Variants in GZMM observed in about 807,000 individuals in gnomAD.
The protein encoded by GZMM is HU-Met-1.
GZMM carries 23 observed loss-of-function variants against 19.2 expected under a neutral mutation model. That is an observed-to-expected ratio of 1.20 (90% CI 0.86 to 1.69). GZMM has a LOEUF of 1.69. Among genes scored for constraint, GZMM ranks in the 40% most tolerant of loss-of-function variants. The probability of loss-of-function intolerance (pLI) is 0.00; values close to 1 mark genes in which losing one functional copy is unlikely to be tolerated. For synonymous variants in GZMM, 178 were observed against 160.2 expected (o/e 1.11, Z -0.84); for missense variants, 373 against 352.2 (o/e 1.06, Z -0.47).
At position 549,837 on chromosome 19, in the gene GZMM, TCCCCTCCAGGG is replaced by T; in HGVS notation, c.*47_*57del. ...CCCCTCGCTGTCTCCACAGGACCCT[TCCCCTCCAGGG>T]GTGCAGTGGGGTGGGTGAGGACGGG... On this transcript the variant is annotated 3_prime_UTR_variant, in exon 5 of 5. Coordinates refer to ENST00000264553, the MANE Select transcript of GZMM (RefSeq NM_005317.4). 1.0e-6 allele frequency: 1 copy of T among 975,120 alleles called. No individual in the cohort carries two copies. The highest frequency in any genetic ancestry group is 1.5e-6 in the Non-Finnish European group (1 of 673,668). The allele number at this position is 975,120 out of a possible 1,614,324, so 60.4% of individuals were successfully genotyped here. A position where few individuals can be genotyped will look rare whatever the true frequency, so the allele number is the denominator to read the frequency against.
At chr19:548,025 G>A (rs1016054878) in intron 2 of GZMM, among the ~76,000 whole-genome samples, 12 of 152,162 alleles carry the variant, frequency 7.9e-5, no homozygotes, top group African/African-American at 2.4e-4. Context: ...CTTCAGGTGC[G>A]GCTTGATCCA....
Position 549,836 on chromosome 19 carries a change from T to C in GZMM, c.*45T>C. Reference sequence around the variant, plus strand: ...CCCCCTCGCTGTCTCCACAGGACCCTTCCCCTCCAGGGGTGCAGTGGGGTG... The same window carrying C: ...CCCCCTCGCTGTCTCCACAGGACCCCTCCCCTCCAGGGGTGCAGTGGGGTG... On this transcript the variant is annotated 3_prime_UTR_variant, in exon 5 of 5. Coordinates refer to ENST00000264553, the MANE Select transcript of GZMM (RefSeq NM_005317.4). 2 of 1,448,438 alleles carry C rather than the reference T, an allele frequency of 1.4e-6. No homozygotes were observed. Among genetic ancestry groups the C allele is most frequent in the Non-Finnish European group, 1.9e-6 (2 of 1,058,398 alleles). 89.7% of individuals were successfully genotyped at this position (1,448,438 alleles called of 1,614,324 possible).
chr19:548,942 C>T lies in GZMM; in HGVS notation c.369C>T (p.Pro123=), dbSNP rs1253135713. 4 of 1,585,808 alleles carry T rather than the reference C, an allele frequency of 2.5e-6. No individual in the cohort carries two copies. The highest frequency in any genetic ancestry group is 3.4e-6 in the Non-Finnish European group (4 of 1,164,196). Reference sequence around the variant, plus strand: ...CGTAGCTGGACGGGAAAGTGAAGCCCAGCCGGACCATCCGGCCGTTGGCCC... The same window carrying T: ...CGTAGCTGGACGGGAAAGTGAAGCCTAGCCGGACCATCCGGCCGTTGGCCC... The part of the protein sequence containing the change: ...ALLQLDGKVK[P]SRTIRPLALP... Residue 123 remains proline, a synonymous_variant, in exon 4 of 5, where the codon CCC becomes CCT. Transcript: ENST00000264553.
At chr19:548,716 T>A (rs1383679617) in intron 3 of GZMM, 39 bp downstream of exon 3, 3 of 1,598,318 alleles carry the variant, frequency 1.9e-6, no homozygotes, top group Non-Finnish European at 1.7e-6. Context: ...GGCACCCTCC[T>A]GTCCCCCACG....
At chr19:546,992 C>T (rs927437676) in intron 1 of GZMM, among the ~76,000 whole-genome samples, 14 of 149,368 alleles carry the variant, frequency 9.4e-5, no homozygotes, top group Non-Finnish European at 1.6e-4. Flanking sequence ...GCCTGATGTG[C>T]GTTTTGAAGG....
chr19:544,609 G>T (rs1013748056), intron 1 of GZMM, among the ~76,000 whole-genome samples: 6 of 152,092 alleles, frequency 3.9e-5, no homozygotes, highest in African/African-American at 1.4e-4. Context: ...CTCTTGATGA[G>T]TTGGGGACCC....
At position 547,411 on chromosome 19, in the gene GZMM, A is replaced by G; in HGVS notation, c.187A>G (p.Thr63Ala). 2 of 1,489,370 alleles carry G rather than the reference A, an allele frequency of 1.3e-6. No homozygotes were observed. Among genetic ancestry groups the G allele is most frequent in the Non-Finnish European group, 1.8e-6 (2 of 1,118,156 alleles). The allele number at this position is 1,489,370 out of a possible 1,614,324, so 92.3% of individuals were successfully genotyped here. The change falls in exon 2 of 5, where the codon ACG becomes GCG. Residue 63 changes from threonine to alanine, a missense_variant. Coordinates refer to ENST00000264553, the MANE Select transcript of GZMM (RefSeq NM_005317.4). ...GVLVHPKWVLTAAHCLAQRMA... is the reference protein window; with the variant it reads ...GVLVHPKWVLAAAHCLAQRMA... ...CCTGGTGCACCCAAAGTGGGTGCTG[A>G]CGGCTGCCCACTGCCTGGCCCAGCG...
At position 548,712 on chromosome 19, in the gene GZMM, C is replaced by T. The variant is rs111788894; in HGVS notation, c.348+35C>T. The stretch of plus-strand genomic sequence containing the variant: ...GACGGGACAGGGAGAACTGGGCACC[C>T]TCCTGTCCCCCACGGGTGCCCCTCA... On this transcript the variant is annotated intron_variant, in intron 3 of 4. Coordinates refer to ENST00000264553, the MANE Select transcript of GZMM (RefSeq NM_005317.4). 960 of 1,603,964 alleles carry T rather than the reference C, an allele frequency of 6.0e-4. 4 individuals are homozygous for T. In the African/African-American group the frequency reaches 0.011, roughly 18 times the overall value.
intron 1 of GZMM, among the ~76,000 whole-genome samples, chr19:545,758 C>T (rs1172540586): frequency 1.3e-5 from 2 of 151,990 alleles, no homozygotes; most frequent in Non-Finnish European, 2.9e-5. Flanking sequence ...ATTCTCCTGT[C>T]TCAGCCTCCC....
chr19:544,171 T>G lies in GZMM; in HGVS notation c.55+45T>G, dbSNP rs200660905. ...CAGGGGGGACACTGAGGCCCAGCGC[T>G]CTCGGTGGGTCCCTGGATGGGAGGG... On this transcript the variant is annotated intron_variant, in intron 1 of 4. Coordinates refer to ENST00000264553, the MANE Select transcript of GZMM (RefSeq NM_005317.4). The G allele has an allele frequency of 7.0e-5, 104 of 1,483,372 alleles. No homozygotes were observed. In the East Asian group the frequency reaches 1.7e-3, roughly 24 times the overall value. 91.9% of individuals were successfully genotyped at this position (1,483,372 alleles called of 1,614,324 possible).
chr19:544,488 C>T (rs1980182278), intron 1 of GZMM, among the ~76,000 whole-genome samples: 1 of 152,112 alleles, frequency 6.6e-6, no homozygotes, highest in Non-Finnish European at 1.5e-5. Flanking sequence ...TCGATCCCCG[C>T]TGGCTGCCTG....
rs1234591726 is a variant in GZMM at position 549,793 on chromosome 19, G to A, written c.*2G>A. Reference sequence around the variant, plus strand: ...AAGGTCACCGGCCGATCGGCCTGATGCCCTGGGGTGATGGGGACCCCCTCG... The same window carrying A: ...AAGGTCACCGGCCGATCGGCCTGATACCCTGGGGTGATGGGGACCCCCTCG... On this transcript the variant is annotated 3_prime_UTR_variant, in exon 5 of 5. Coordinates refer to ENST00000264553, the MANE Select transcript of GZMM (RefSeq NM_005317.4). The A allele has an allele frequency of 6.4e-7, 1 of 1,571,720 alleles. No individual in the cohort carries two copies. The highest frequency in any genetic ancestry group is 1.7e-5 in the Admixed American group (1 of 58,780).
intron 1 of GZMM, among the ~76,000 whole-genome samples, chr19:544,715 TCCCTC>T (rs1980192579): frequency 2.7e-5 from 1 of 36,734 alleles, no homozygotes; most frequent in African/African-American, 9.8e-5. Flanking sequence ...CATCCCTCCC[TCCCTC>T]CCTCCCTCCC....
chr19:548,593 T>A lies in GZMM; in HGVS notation c.264T>A (p.Gly88=). 2 of 1,613,170 alleles carry A rather than the reference T, an allele frequency of 1.2e-6. No homozygotes were observed. The highest frequency in any genetic ancestry group is 1.7e-6 in the Non-Finnish European group (2 of 1,179,530). The part of the protein sequence containing the change: ...VLGLHTLDSP[G]LTFHIKAAIQ... ...GGCTCCACACCCTGGACAGCCCCGG[T>A]CTCACCTTCCACATCAAGGCAGCCA... The change falls in exon 3 of 5, where the codon GGT becomes GGA. Residue 88 remains glycine (G), a synonymous_variant. Coordinates refer to ENST00000264553, the MANE Select transcript of GZMM (RefSeq NM_005317.4).
intron 4 of GZMM, 85 bp from the exon 5 acceptor site, chr19:549,545 C>T: frequency 7.2e-7 from 1 of 1,391,342 alleles, no homozygotes; most frequent in African/African-American, 1.4e-5. Context: ...GATAACAGGC[C>T]TGGCCCTGCT....
At position 549,183 on chromosome 19, in the gene GZMM, A is replaced by C; in HGVS notation, c.610A>C (p.Lys204Gln). ...CGACTCCAAGGACCAGGCTCCCTGCAAGGTGAGGGGCGCCCGGGTGGGGCT... is the reference window on the plus strand; with the variant it reads ...CGACTCCAAGGACCAGGCTCCCTGCCAGGTGAGGGGCGCCCGGGTGGGGCT... ...AADSKDQAPC[K>Q]GDSGGPLVCG... Residue 204 changes from lysine to glutamine, a missense_variant and splice_region_variant, in exon 4 of 5, where the codon AAG (lysine) becomes CAG (glutamine). Lys to Gln is a moderately conservative substitution (Grantham distance 53). Coordinates refer to ENST00000264553, the MANE Select transcript of GZMM (RefSeq NM_005317.4). The C allele has an allele frequency of 1.3e-6, 2 of 1,569,590 alleles. No homozygotes were observed. Among genetic ancestry groups the C allele is most frequent in the Non-Finnish European group, 1.7e-6 (2 of 1,157,538 alleles).
chr19:544,096 C>G lies in GZMM; in HGVS notation c.25C>G (p.Leu9Val). The G allele has an allele frequency of 6.5e-7, 1 of 1,550,068 alleles. No homozygotes were observed. The highest frequency in any genetic ancestry group is 8.7e-7 in the Non-Finnish European group (1 of 1,147,470). MEACVSSL[L>V]VLALGALSVG... is the part of the protein sequence containing the mutation. ...CATGGAGGCCTGCGTGTCTTCACTG[C>G]TGGTGCTGGCCCTGGGGGCCCTGTC... is the stretch of plus-strand genomic sequence containing the variant. Residue 9 changes from leucine to valine, a missense_variant, in exon 1 of 5, where the codon CTG (leucine) becomes GTG (valine). By Grantham distance (32) the Leu-to-Val change is conservative (BLOSUM62 1). Transcript: ENST00000264553.
rs557429130 is a variant in GZMM at position 545,428 on chromosome 19, G to A, written c.55+1302G>A. 1.1e-3 allele frequency among the ~76,000 whole-genome samples: 169 copies of A among 152,026 alleles called. 1 individual carries two copies. The Middle Eastern group carries it at 0.014, about 12-fold the overall frequency. Reference sequence around the variant, plus strand: ...GATGGTGCCATCTCGGCTCACTGCAGCCTCCGCCTCCTGGTTTCAAGCGAT... The same window carrying A: ...GATGGTGCCATCTCGGCTCACTGCAACCTCCGCCTCCTGGTTTCAAGCGAT... On this transcript the variant is annotated intron_variant, in intron 1 of 4. Coordinates refer to ENST00000264553, the MANE Select transcript of GZMM (RefSeq NM_005317.4).
intron 2 of GZMM, 151 bp from the exon 3 acceptor site, chr19:548,391 C>T (rs1225298356): frequency 5.7e-6 from 4 of 703,016 alleles, no homozygotes; most frequent in East Asian, 5.5e-5. Context: ...GTTGCAAAGA[C>T]ACAGGGAAGG....
Sources: allele counts gnomAD v4.1 joint callset (sites outside exome capture counted in the v4.1 genomes callset), GRCh38; gene constraint gnomAD v4.1.1; transcripts MANE v1.5; gene names NCBI Gene and HGNC (gene_info 2026-07-23, HGNC 2026-07-21).